GOLPH3L: variants seen among roughly 807,000 people sequenced by gnomAD.
GOLPH3L encodes the protein Golgi phosphoprotein 3-like.
Under a neutral mutation model 30.3 loss-of-function variants are expected in GOLPH3L, and 22 were observed. That is an observed-to-expected ratio of 0.73 (90% confidence interval 0.52 to 1.04). The LOEUF (loss-of-function observed/expected upper bound fraction) is 1.04. Among genes scored for constraint, GOLPH3L ranks in the 50% least tolerant of loss-of-function variants. The probability of loss-of-function intolerance (pLI) is 0.00; values close to 1 mark genes in which losing one functional copy is unlikely to be tolerated. For synonymous variants in GOLPH3L, 120 were observed against 128.2 expected (o/e 0.94, Z 0.43); for missense variants, 303 against 345.8 (o/e 0.88, Z 0.98).
chr1:150,663,075 C>A (rs1328929585), intron 3 of GOLPH3L, among the ~76,000 whole-genome samples: 1 of 151,964 alleles, frequency 6.6e-6, no homozygotes, highest in African/African-American at 2.4e-5. Flanking sequence ...TGCACTGTCC[C>A]CCAGGCTGGA....
At chr1:150,660,382 A>C (rs587614606) in intron 4 of GOLPH3L, among the ~76,000 whole-genome samples, 1 of 152,340 alleles carries the variant, frequency 6.6e-6, no homozygotes, top group East Asian at 1.9e-4. Flanking sequence ...GTGATTTCTC[A>C]AAAGGTTAAA....
intron 2 of GOLPH3L, among the ~76,000 whole-genome samples, chr1:150,690,072 G>C (rs1651175506): frequency 6.6e-6 from 1 of 151,876 alleles, no homozygotes; most frequent in South Asian, 2.1e-4. Flanking sequence ...CTCCAGCCTT[G>C]AACTCCTGGG....
chr1:150,651,642 C>CAAAAAAAAAAAAAAAAAAAAAAGAAAA (rs1650108026), intron 4 of GOLPH3L, among the ~76,000 whole-genome samples: 1 of 60,852 alleles, frequency 1.6e-5, no homozygotes, highest in Non-Finnish European at 3.0e-5. Flanking sequence ...GAGCGAAACT[C>CAAAAAAAAAAAAAAAAAAAAAAGAAAA]AAAAAAAAAA....
chr1:150,674,689 G>A (rs1250124224), intron 2 of GOLPH3L, among the ~76,000 whole-genome samples: 3 of 151,960 alleles, frequency 2.0e-5, no homozygotes, highest in African/African-American at 4.8e-5. Flanking sequence ...TCCAAAGTTC[G>A]TAACCAGCTT....
At chr1:150,652,002 C>A (rs896528500) in intron 4 of GOLPH3L, among the ~76,000 whole-genome samples, 6 of 151,934 alleles carry the variant, frequency 3.9e-5, no homozygotes, top group Non-Finnish European at 5.9e-5. Context: ...ACAAAGAGAC[C>A]CATATCCAAC....
intron 4 of GOLPH3L, among the ~76,000 whole-genome samples, chr1:150,653,891 T>C (rs1650182005): frequency 6.6e-6 from 1 of 152,028 alleles, no homozygotes; most frequent in Admixed American, 6.6e-5. Context: ...GCCTCCCAAG[T>C]AGCTGGGATT....
chr1:150,694,980 G>C, intron 1 of GOLPH3L, 130 bp from the exon 2 acceptor site: 1 of 606,922 alleles, frequency 1.6e-6, no homozygotes, highest in Non-Finnish European at 2.8e-6. Context: ...AGAAAGGAAG[G>C]AGTAATGACC....
intron 4 of GOLPH3L, among the ~76,000 whole-genome samples, chr1:150,652,380 C>CAAAA (rs34446972): frequency 5.0e-5 from 2 of 40,192 alleles, no homozygotes; most frequent in African/African-American, 2.7e-4. Flanking sequence ...GACTCTGTCT[C>CAAAA]AAAAAAAAAA....
At chr1:150,685,268 G>A (rs1378105356) in intron 2 of GOLPH3L, among the ~76,000 whole-genome samples, 1 of 152,034 alleles carries the variant, frequency 6.6e-6, no homozygotes, top group Non-Finnish European at 1.5e-5. Context: ...TTTTTTATAG[G>A]ATCCCAAAAT....
chr1:150,673,752 A>C (rs1162336205), intron 2 of GOLPH3L, among the ~76,000 whole-genome samples: 1 of 146,608 alleles, frequency 6.8e-6, no homozygotes, highest in Admixed American at 7.0e-5. Flanking sequence ...AACACAGTGA[A>C]ACCCCGTCTC....
chr1:150,670,866 C>A (rs1428193404), intron 2 of GOLPH3L, among the ~76,000 whole-genome samples: 1 of 152,154 alleles, frequency 6.6e-6, no homozygotes, highest in Non-Finnish European at 1.5e-5. Flanking sequence ...CATAGTATTG[C>A]ATTTTACATG....
intron 2 of GOLPH3L, among the ~76,000 whole-genome samples, chr1:150,681,257 C>A (rs2101810423): frequency 1.3e-5 from 2 of 152,246 alleles, no homozygotes; most frequent in Middle Eastern, 3.4e-3. Context: ...GAGCCCAAGT[C>A]ATATAGCTGA....
At chr1:150,658,205 G>A (rs1166989049) in intron 4 of GOLPH3L, among the ~76,000 whole-genome samples, 2 of 152,176 alleles carry the variant, frequency 1.3e-5, no homozygotes, top group African/African-American at 4.8e-5. Context: ...AGCAACACCC[G>A]TTGAACACAG....
intron 4 of GOLPH3L, among the ~76,000 whole-genome samples, chr1:150,656,079 C>A (rs587676626): frequency 5.9e-5 from 9 of 152,288 alleles, no homozygotes; most frequent in African/African-American, 2.2e-4. Flanking sequence ...ACAATTGAAC[C>A]TACTCGTAAA....
intron 2 of GOLPH3L, among the ~76,000 whole-genome samples, chr1:150,680,815 T>G (rs190576076): frequency 6.6e-6 from 1 of 152,286 alleles, no homozygotes; most frequent in Admixed American, 6.5e-5. Flanking sequence ...TGGTTATTAT[T>G]TATTGAGCAT....
At chr1:150,683,926 C>G (rs1420515436) in intron 2 of GOLPH3L, among the ~76,000 whole-genome samples, 1 of 152,028 alleles carries the variant, frequency 6.6e-6, no homozygotes, top group Non-Finnish European at 1.5e-5. Context: ...TGTGTCCCCT[C>G]AAATTTCATA....
chr1:150,694,216 A>G, intron 2 of GOLPH3L: 1 of 419,900 alleles, frequency 2.4e-6, no homozygotes, highest in South Asian at 1.8e-5. Flanking sequence ...TATTTCTGCT[A>G]TAAGAAACCT....
intron 2 of GOLPH3L, among the ~76,000 whole-genome samples, chr1:150,670,135 G>A (rs1316274545): frequency 3.3e-5 from 5 of 151,584 alleles, no homozygotes; most frequent in East Asian, 3.9e-4. Context: ...GGTGGTAGAC[G>A]CCTGTAATCC....
At chr1:150,649,660 C>A (rs1650060256) in intron 4 of GOLPH3L, among the ~76,000 whole-genome samples, 1 of 152,068 alleles carries the variant, frequency 6.6e-6, no homozygotes, top group Non-Finnish European at 1.5e-5. Flanking sequence ...CACTCAGGAG[C>A]AATCAGAGCA....
Sources: gnomAD v4.1 joint callset for allele counts (sites outside exome capture counted in the v4.1 genomes callset) on GRCh38, gnomAD v4.1.1 for gene constraint, MANE v1.5 for transcripts, NCBI Gene and HGNC (gene_info 2026-07-23, HGNC 2026-07-21) for gene names.